DPYS: variants seen among roughly 807,000 people sequenced by gnomAD.
The protein encoded by DPYS is dihydropyrimidinase.
DPYS carries 39 observed loss-of-function variants against 50.3 expected under a neutral mutation model. That is an observed-to-expected ratio of 0.78 (90% CI 0.60 to 1.01). DPYS has a LOEUF of 1.01. Ranked by LOEUF, DPYS falls within the 50% of genes least tolerant of loss-of-function variation. The pLI, the probability that DPYS is intolerant of heterozygous loss-of-function variation, is 0.00. For missense variants in DPYS, 659 were observed against 680.9 expected (o/e 0.97, Z 0.36); for synonymous variants, 245 against 250.7 (o/e 0.98, Z 0.22).
intron 6 of DPYS, among the ~76,000 whole-genome samples, chr8:104,426,507 G>A (rs1359354979): frequency 6.6e-6 from 1 of 152,146 alleles, no homozygotes; most frequent in African/African-American, 2.4e-5. Context: ...AAAGAAATAA[G>A]GAGGCCCTTT....
Position 104,412,302 on chromosome 8 carries a change from C to T in DPYS, c.1235+11945G>A, listed in dbSNP as rs555249785. On this transcript the variant is annotated intron_variant, in intron 7 of 9. Coordinates refer to ENST00000351513, the MANE Select transcript of DPYS (RefSeq NM_001385.3). The stretch of plus-strand genomic sequence containing the variant: ...TGCCCTGGAGCACAGAAAGAAAGCA[C>T]TAACCTCAGATTCACAGATCTTAGC... Among the ~76,000 whole-genome samples, 57 of 152,314 alleles carry T rather than the reference C, an allele frequency of 3.7e-4. 2 individuals carry two copies. In the South Asian group the frequency reaches 0.012, roughly 31 times the overall value.
At chr8:104,430,589 T>C (rs963270486) in intron 4 of DPYS, among the ~76,000 whole-genome samples, 2 of 152,180 alleles carry the variant, frequency 1.3e-5, no homozygotes, top group African/African-American at 4.8e-5. Context: ...AAAATCCTGA[T>C]ATATAACTGA....
intron 1 of DPYS, among the ~76,000 whole-genome samples, chr8:104,460,766 T>C (rs1019503800): frequency 6.6e-6 from 1 of 152,056 alleles, no homozygotes; most frequent in Non-Finnish European, 1.5e-5. Flanking sequence ...AATCTTTGAG[T>C]TTTTTTGTGC....
At chr8:104,404,697 G>A (rs1376588238) in intron 7 of DPYS, among the ~76,000 whole-genome samples, 2 of 152,254 alleles carry the variant, frequency 1.3e-5, no homozygotes, top group Non-Finnish European at 2.9e-5. Flanking sequence ...TAAACCAGAG[G>A]TTGGCAAACC....
At chr8:104,451,127 C>T (rs906308821) in intron 2 of DPYS, 119 bp downstream of exon 2, 1 of 1,299,354 alleles carries the variant, frequency 7.7e-7, no homozygotes, top group African/African-American at 1.5e-5. Context: ...AATGAAAAGT[C>T]TTCCTGCCAG....
At chr8:104,392,393 A>T (rs917466164) in intron 8 of DPYS, among the ~76,000 whole-genome samples, 3 of 151,990 alleles carry the variant, frequency 2.0e-5, no homozygotes, top group African/African-American at 7.3e-5. Flanking sequence ...CTTAACTTGC[A>T]ATCTGAGGGC....
intron 7 of DPYS, among the ~76,000 whole-genome samples, chr8:104,417,800 C>T (rs1440131402): frequency 2.0e-5 from 3 of 152,192 alleles, no homozygotes; most frequent in South Asian, 2.1e-4. Flanking sequence ...AGGCTAGTGA[C>T]GTCTTAGGTA....
chr8:104,412,812 G>A (rs932866532), intron 7 of DPYS, among the ~76,000 whole-genome samples: 1 of 152,176 alleles, frequency 6.6e-6, no homozygotes, highest in Non-Finnish European at 1.5e-5. Flanking sequence ...TGCTGGCCAT[G>A]CCCTTACCAC....
intron 2 of DPYS, among the ~76,000 whole-genome samples, chr8:104,448,448 G>A (rs543405581): frequency 3.3e-5 from 5 of 152,172 alleles, no homozygotes; most frequent in East Asian, 1.9e-4. Context: ...GAGCCTCCGC[G>A]CCCAGCCTCA....
chr8:104,428,088 G>GCAGT lies in DPYS; in HGVS notation c.980_983dup (p.Cys328Ter). 1 of 1,614,206 alleles carries GCAGT rather than the reference G, an allele frequency of 6.2e-7. No individual in the cohort carries two copies. On this transcript the variant is annotated stop_gained and frameshift_variant, in exon 6 of 10. Transcript: ENST00000351513. LOFTEE classifies it high-confidence loss of function. ...GAGCTTTCTGGCAGGTGTTGAAAGTGCAGTTATCAGTCCCTGTTGTGGTTA... is the reference window on the plus strand; with the variant it reads ...GAGCTTTCTGGCAGGTGTTGAAAGTGCAGTCAGTTATCAGTCCCTGTTGTGGTTA...
intron 7 of DPYS, among the ~76,000 whole-genome samples, chr8:104,407,835 A>G (rs545303749): frequency 6.6e-6 from 1 of 152,250 alleles, no homozygotes; most frequent in Non-Finnish European, 1.5e-5. Flanking sequence ...AAATATTACC[A>G]TAAAGAAAGT....
At chr8:104,453,509 C>T (rs916727639) in intron 1 of DPYS, among the ~76,000 whole-genome samples, 1 of 152,192 alleles carries the variant, frequency 6.6e-6, no homozygotes, top group African/African-American at 2.4e-5. Context: ...ACTAGAAAAT[C>T]AAGCTTAAAG....
chr8:104,402,763 A>C (rs894065770), intron 7 of DPYS, among the ~76,000 whole-genome samples: 1 of 152,196 alleles, frequency 6.6e-6, no homozygotes, highest in Non-Finnish European at 1.5e-5. Context: ...AAGAAAAAGG[A>C]ATTAAGAGAC....
In DPYS at chr8:104,467,020, C is replaced by G. The variant is rs983226322; in HGVS notation, c.-100G>C. 1 of 1,305,006 alleles carries G rather than the reference C, an allele frequency of 7.7e-7. No individual in the cohort carries two copies. The highest frequency in any genetic ancestry group is 9.8e-7 in the Non-Finnish European group (1 of 1,016,232). The allele number at this position is 1,305,006 out of a possible 1,614,324, so 80.8% of individuals were successfully genotyped here. On this transcript the variant is annotated 5_prime_UTR_variant, in exon 1 of 10. Transcript: ENST00000351513. ...GGGTGCCCTCCTGCAAGGTCCCCAC[C>G]GACAGCCCCCGAGCTCTGCCTCAGG...
intron 7 of DPYS, chr8:104,419,190 T>A: frequency 2.5e-6 from 1 of 404,874 alleles, no homozygotes; most frequent in Non-Finnish European, 3.3e-6. Context: ...TCACATGCAG[T>A]AAGTAAAAAG....
At chr8:104,381,655 G>A (rs1054108365) in intron 8 of DPYS, among the ~76,000 whole-genome samples, 70 of 152,272 alleles carry the variant, frequency 4.6e-4, no homozygotes, top group Non-Finnish European at 8.8e-5. Context: ...ACCTGAGTTT[G>A]CAGTGCTTCT....
chr8:104,426,603 T>C (rs1812729805), intron 6 of DPYS, among the ~76,000 whole-genome samples: 1 of 152,164 alleles, frequency 6.6e-6, no homozygotes, highest in South Asian at 2.1e-4. Flanking sequence ...TTGAAGAGGA[T>C]TCTGAAGTGT....
chr8:104,448,248 C>T (rs1375244258), intron 2 of DPYS, among the ~76,000 whole-genome samples: 1 of 151,920 alleles, frequency 6.6e-6, no homozygotes, highest in African/African-American at 2.4e-5. Context: ...CTCCACCTCC[C>T]AGATTCAAGT....
chr8:104,447,517 G>T lies in DPYS; in HGVS notation c.424-14C>A. On this transcript the variant is annotated splice_polypyrimidine_tract_variant and intron_variant, in intron 2 of 9. Coordinates refer to ENST00000351513, the MANE Select transcript of DPYS (RefSeq NM_001385.3). ...TTCTTCTTTAACCTAAAAGGAAGCA[G>T]CAACCATAACAACAATATGTTACTC... 1.2e-6 allele frequency: 2 copies of T among 1,613,682 alleles called. No individual in the cohort carries two copies. The highest frequency in any genetic ancestry group is 1.7e-6 in the Non-Finnish European group (2 of 1,179,708).
Sources: gnomAD v4.1 joint callset for allele counts (sites outside exome capture counted in the v4.1 genomes callset) on GRCh38, gnomAD v4.1.1 for gene constraint, MANE v1.5 for transcripts, NCBI Gene and HGNC (gene_info 2026-07-23, HGNC 2026-07-21) for gene names.